Variants in ITSN2 observed in about 807,000 individuals in gnomAD.
ITSN2 encodes the protein intersectin-2.
Under a neutral mutation model 243.7 loss-of-function variants are expected in ITSN2, and 156 were observed. The observed-to-expected ratio is 0.64, with a 90% confidence interval of 0.56 to 0.73. The LOEUF (loss-of-function observed/expected upper bound fraction) is 0.73, where lower values mean the gene tolerates loss of function less well. Among genes scored for constraint, ITSN2 ranks in the 30% least tolerant of loss-of-function variants. ITSN2 has a pLI of 0.00. For missense variants in ITSN2, 1,801 were observed against 1,996.1 expected, an observed-to-expected ratio of 0.90 and a Z score of 1.86; for synonymous variants, 703 against 699.9, an observed-to-expected ratio of 1.00 and a Z score of -0.07.
chr2:24,323,353 GATAA>G (rs771600962), intron 2 of ITSN2, among the ~76,000 whole-genome samples: 97 of 152,258 alleles, frequency 6.4e-4, no homozygotes, highest in African/African-American at 1.9e-3. Context: ...CGGCTGAATG[GATAA>G]ATAAATTGTG....
intron 32 of ITSN2, among the ~76,000 whole-genome samples, chr2:24,214,737 A>T (rs1000388919): frequency 2.6e-5 from 4 of 151,974 alleles, no homozygotes; most frequent in Admixed American, 6.6e-5. Context: ...TTTTACCTTT[A>T]TTACTTCCTC....
chr2:24,235,754 T>C (rs1410310901), intron 29 of ITSN2, among the ~76,000 whole-genome samples: 1 of 152,148 alleles, frequency 6.6e-6, no homozygotes, highest in African/African-American at 2.4e-5. Flanking sequence ...AACAAGCACA[T>C]GAAAAGATGC....
rs746016773 is a variant in ITSN2 at position 24,270,633 on chromosome 2, T to C, written c.2355+38A>G. On this transcript the variant is annotated intron_variant, in intron 20 of 39. Transcript: ENST00000355123. Reference sequence around the variant, plus strand: ...AGAAACTAATATATTACAATGTATTTAGGTTATTCATGATTAAAAAAAAAA... The same window carrying C: ...AGAAACTAATATATTACAATGTATTCAGGTTATTCATGATTAAAAAAAAAA... The C allele has an allele frequency of 3.3e-6, 3 of 909,914 alleles. No individual in the cohort carries two copies. The South Asian group carries it at 4.2e-5, about 13-fold the overall frequency. 56.4% of individuals were successfully genotyped at this position (909,914 alleles called of 1,614,324 possible).
intron 25 of ITSN2, among the ~76,000 whole-genome samples, chr2:24,250,277 G>A (rs181848544): frequency 5.3e-5 from 8 of 152,280 alleles, no homozygotes; most frequent in Admixed American, 3.9e-4. Flanking sequence ...AAACTATTTA[G>A]ACTTGGGATT....
intron 1 of ITSN2, among the ~76,000 whole-genome samples, chr2:24,341,874 G>A (rs1020818531): frequency 6.6e-6 from 1 of 151,990 alleles, no homozygotes; most frequent in Non-Finnish European, 1.5e-5. Flanking sequence ...TAGGAAAAAA[G>A]GTAAGATTTA....
At chr2:24,342,271 C>T (rs932735783) in intron 1 of ITSN2, among the ~76,000 whole-genome samples, 2 of 151,868 alleles carry the variant, frequency 1.3e-5, no homozygotes, top group African/African-American at 4.8e-5. Flanking sequence ...AATCACGGTG[C>T]ACTGCAGCCT....
intron 2 of ITSN2, among the ~76,000 whole-genome samples, chr2:24,319,783 A>G (rs1574298719): frequency 6.6e-6 from 1 of 152,098 alleles, no homozygotes; most frequent in Non-Finnish European, 1.5e-5. Flanking sequence ...AACTGTAAAC[A>G]TTTTCTTTCC....
rs771818012 is a variant in ITSN2 at position 24,254,444 on chromosome 2, T to G, written c.2889-13A>C. The G allele has an allele frequency of 6.3e-7, 1 of 1,588,460 alleles. No individual in the cohort carries two copies. The highest frequency in any genetic ancestry group is 2.2e-5 in the East Asian group (1 of 44,660). On this transcript the variant is annotated splice_polypyrimidine_tract_variant and intron_variant, in intron 23 of 39. Coordinates refer to ENST00000355123, the MANE Select transcript of ITSN2 (RefSeq NM_006277.3). Reference sequence around the variant, plus strand: ...CAAAGCTTCTGGTCTACCAAATATATAAACAAACAAACAAACAAACAAACA... The same window carrying G: ...CAAAGCTTCTGGTCTACCAAATATAGAAACAAACAAACAAACAAACAAACA...
rs1668652508 is a variant in ITSN2, at chr2:24,204,610, G to C, written c.4763-192C>G. On this transcript the variant is annotated intron_variant, in intron 38 of 39. Coordinates refer to ENST00000355123, the MANE Select transcript of ITSN2 (RefSeq NM_006277.3). This position sits in a 1 kb window ranked among gnomAD's most constrained non-coding sequence, Gnocchi z 5.1. ...CTCCAAGTTCCCAGTGCTGACAGCA[G>C]CATTAACTGGGGAGTGGCCGAGAGC... 1.5e-6 allele frequency: 1 copy of C among 672,152 alleles called. No individual in the cohort carries two copies. Among genetic ancestry groups the C allele is most frequent in the African/African-American group, 1.8e-5 (1 of 56,538 alleles). 41.6% of individuals were successfully genotyped at this position (672,152 alleles called of 1,614,324 possible).
intron 12 of ITSN2, 119 bp downstream of exon 12, chr2:24,299,790 A>C: frequency 1.3e-6 from 1 of 793,028 alleles, no homozygotes; most frequent in Non-Finnish European, 2.0e-6. Context: ...GTAAGAATGA[A>C]ATGATGCAGA....
intron 1 of ITSN2, among the ~76,000 whole-genome samples, chr2:24,341,435 A>C (rs986464555): frequency 1.3e-5 from 2 of 152,252 alleles, no homozygotes; most frequent in Non-Finnish European, 2.9e-5. Context: ...AGAAATCGGG[A>C]TACAGAGTTA....
chr2:24,320,389 G>A (rs1177577135), intron 2 of ITSN2, among the ~76,000 whole-genome samples: 1 of 150,278 alleles, frequency 6.7e-6, no homozygotes, highest in South Asian at 2.1e-4. Flanking sequence ...CGCGGTGGCG[G>A]GCGCCTGTAG....
At chr2:24,264,437 T>C (rs905507294) in intron 20 of ITSN2, among the ~76,000 whole-genome samples, 1 of 135,132 alleles carries the variant, frequency 7.4e-6, no homozygotes, top group Non-Finnish European at 1.6e-5. Context: ...TAGATTGTCA[T>C]AGCTAAGAAA....
chr2:24,247,689 G>A (rs1055360687), intron 27 of ITSN2, among the ~76,000 whole-genome samples: 2 of 152,136 alleles, frequency 1.3e-5, no homozygotes, highest in Non-Finnish European at 2.9e-5. Flanking sequence ...CAGGCTCAGA[G>A]TTCTCGGAAT....
chr2:24,221,029 T>A lies in ITSN2; in HGVS notation c.3615A>T (p.Pro1205=), dbSNP rs376544881. Residue 1205 remains proline, a synonymous_variant, in exon 30 of 40, where the codon CCA becomes CCT. Coordinates refer to ENST00000355123, the MANE Select transcript of ITSN2 (RefSeq NM_006277.3). ...ADLQTLDTMQ[P]IERKRQGYIH... ...TATAGCCCTGTCTTTTCCTCTCAAT[T>A]GGCTGCATTGTGTCCAGGGTTTGCA... 4.1e-5 allele frequency: 66 copies of A among 1,609,078 alleles called. No individual in the cohort carries two copies. Among genetic ancestry groups the A allele is most frequent in the Non-Finnish European group, 5.6e-5 (66 of 1,178,242 alleles).
At chr2:24,350,794 G>A (rs1268778954) in intron 1 of ITSN2, among the ~76,000 whole-genome samples, 3 of 152,148 alleles carry the variant, frequency 2.0e-5, no homozygotes, top group African/African-American at 7.2e-5. Context: ...GTCTAGGATA[G>A]GCAATTTCAT....
chr2:24,219,745 G>A (rs1670274703), intron 30 of ITSN2, among the ~76,000 whole-genome samples: 1 of 152,146 alleles, frequency 6.6e-6, no homozygotes, highest in African/African-American at 2.4e-5. Context: ...CTAGTGTTAG[G>A]GAGACCTCCA....
chr2:24,339,004 T>C (rs538116416), intron 1 of ITSN2, among the ~76,000 whole-genome samples: 6 of 152,248 alleles, frequency 3.9e-5, no homozygotes, highest in Admixed American at 1.3e-4. Flanking sequence ...CAAGTGTCCT[T>C]GGAGTGAATG....
chr2:24,352,498 C>T (rs139195775), intron 1 of ITSN2, among the ~76,000 whole-genome samples: 125 of 152,118 alleles, frequency 8.2e-4, no homozygotes, highest in African/African-American at 3.0e-3. Flanking sequence ...GGCTTAGGGT[C>T]CCAAATATAC....
Sources: gnomAD v4.1 joint callset for allele counts (sites outside exome capture counted in the v4.1 genomes callset) on GRCh38, gnomAD v4.1.1 for gene constraint, Gnocchi (gnomAD v3.1) non-coding constraint, MANE v1.5 for transcripts, NCBI Gene and HGNC (gene_info 2026-07-23, HGNC 2026-07-21) for gene names.